Variants in EIF2AK4 observed in about 807,000 individuals in gnomAD.
EIF2AK4 encodes the protein eukaryotic translation initiation factor 2 alpha kinase 4.
In EIF2AK4, 139 loss-of-function variants were observed where a neutral mutation model predicts 211.1. The ratio of observed to expected loss-of-function variants is 0.66; its 90% CI spans 0.57 to 0.76. The LOEUF is 0.76. Ranked by LOEUF, EIF2AK4 falls within the 30% of genes least tolerant of loss-of-function variation. The pLI is 0.00. For synonymous variants in EIF2AK4, 710 were observed against 751.3 expected (o/e 0.94, Z 0.90); for missense variants, 1,664 against 2,043.8 (o/e 0.81, Z 3.58).
At chr15:39,997,215 A>T in intron 19 of EIF2AK4, 150 bp downstream of exon 19, 1 of 626,234 alleles carries the variant, frequency 1.6e-6, no homozygotes, top group Non-Finnish European at 2.8e-6. Context: ...TCAGATATGC[A>T]AGACTAACCA....
At chr15:39,985,967 A>C in intron 14 of EIF2AK4, 79 bp downstream of exon 14, 1 of 1,288,704 alleles carries the variant, frequency 7.8e-7, no homozygotes, top group South Asian at 1.3e-5. Flanking sequence ...TATTAGAACA[A>C]GATAATGGAC....
At chr15:40,016,464 T>G (rs375232915) in intron 27 of EIF2AK4, 38 bp from the exon 28 acceptor site, 18 of 1,612,916 alleles carry the variant, frequency 1.1e-5, no homozygotes, top group Non-Finnish European at 1.4e-5. Flanking sequence ...CTTCCCCTGC[T>G]GTGGATGGGC....
intron 26 of EIF2AK4, among the ~76,000 whole-genome samples, chr15:40,010,923 A>G (rs2035226976): frequency 6.6e-6 from 1 of 152,220 alleles, no homozygotes; most frequent in Admixed American, 6.5e-5. Context: ...CCAGCGTGGG[A>G]TGAAATGCCC....
chr15:39,943,201 ACTT>A (rs891649661), intron 2 of EIF2AK4, among the ~76,000 whole-genome samples, 179 bp from the exon 3 acceptor site: 3 of 152,198 alleles, frequency 2.0e-5, no homozygotes, highest in Non-Finnish European at 4.4e-5. Context: ...TGGCCAGCCC[ACTT>A]CTTCCCTGTA....
chr15:39,973,500 C>A, intron 10 of EIF2AK4, 92 bp from the exon 11 acceptor site: 2 of 1,336,048 alleles, frequency 1.5e-6, no homozygotes, highest in Non-Finnish European at 2.1e-6. Flanking sequence ...CTGGTTGGAG[C>A]TCTTCTTCCA....
At position 39,944,655 on chromosome 15, in the gene EIF2AK4, A is replaced by T. The variant is rs568264760; in HGVS notation, c.360+1170A>T. Among the ~76,000 whole-genome samples, 202 of 152,020 alleles carry T rather than the reference A, an allele frequency of 1.3e-3. 1 individual carries two copies. Among genetic ancestry groups the T allele is most frequent in the Non-Finnish European group, 2.6e-3 (174 of 67,960 alleles). On this transcript the variant is annotated intron_variant, in intron 3 of 38. Transcript: ENST00000263791. ...TCACCGTGTTAGCCAGGATGGTCTC[A>T]ATCTCCTGACCTCGTGGTCCACCCG...
chr15:40,000,927 G>T, intron 20 of EIF2AK4, 61 bp from the exon 21 acceptor site: 1 of 1,542,048 alleles, frequency 6.5e-7, no homozygotes, highest in Non-Finnish European at 8.9e-7. Context: ...TGACTTGTCC[G>T]GAGAATAGCT....
intron 35 of EIF2AK4, 50 bp from the exon 36 acceptor site, chr15:40,032,107 TAAGATGGCAAGA>T (rs2035551975): frequency 7.5e-7 from 1 of 1,339,320 alleles, no homozygotes; most frequent in Admixed American, 1.7e-5. Context: ...GGATAGGAAA[TAAGATGGCAAGA>T]AAGATGGCTT....
intron 13 of EIF2AK4, among the ~76,000 whole-genome samples, chr15:39,981,505 A>G (rs947429637): frequency 4.6e-5 from 7 of 152,196 alleles, no homozygotes; most frequent in African/African-American, 1.7e-4. Flanking sequence ...TGGGCATCCT[A>G]ATTGATGGGT....
At position 39,965,790 on chromosome 15, in the gene EIF2AK4, G is replaced by A. The variant is rs1323575344; in HGVS notation, c.964G>A (p.Gly322Ser). Reference sequence around the variant, plus strand: ...GGTCCTTCAGTGGCAGAAAAAAATGGGTCCATTCCTTACCAGTCAAGAAAA... The same window carrying A: ...GGTCCTTCAGTGGCAGAAAAAAATGAGTCCATTCCTTACCAGTCAAGAAAA... ...EWVLQWQKKM[G>S]PFLTSQEKEK... is the part of the protein sequence containing the mutation. Residue 322 changes from glycine to serine, a missense_variant, in exon 8 of 39, where the codon GGT (glycine) becomes AGT (serine). Coordinates refer to ENST00000263791, the MANE Select transcript of EIF2AK4 (RefSeq NM_001013703.4). 1 of 1,613,906 alleles carries A rather than the reference G, an allele frequency of 6.2e-7. No individual in the cohort carries two copies. Among genetic ancestry groups the A allele is most frequent in the African/African-American group, 1.3e-5 (1 of 74,916 alleles).
rs500200 is a variant in EIF2AK4, at chr15:39,939,800, C to A, written c.257+183C>A. On this transcript the variant is annotated intron_variant, in intron 2 of 38. Transcript: ENST00000263791. ...TTCATGAAACCTGTCTCATTTTAAGCCTGTTCATAGTTATAGAATTGTCAC... is the reference window on the plus strand; with the variant it reads ...TTCATGAAACCTGTCTCATTTTAAGACTGTTCATAGTTATAGAATTGTCAC... Among the ~76,000 whole-genome samples the A allele has an allele frequency of 0.34, 52,280 of 152,038 alleles. 10,119 individuals carry two copies. Among genetic ancestry groups the A allele is most frequent in the East Asian group, 0.81 (4,176 of 5,180 alleles).
intron 13 of EIF2AK4, among the ~76,000 whole-genome samples, chr15:39,983,130 C>T: frequency 6.6e-6 from 1 of 152,208 alleles, no homozygotes; most frequent in Non-Finnish European, 1.5e-5. Context: ...CACTGTCTTC[C>T]ACAATGGTTG....
intron 3 of EIF2AK4, among the ~76,000 whole-genome samples, chr15:39,946,131 G>T (rs568822548): frequency 6.6e-6 from 1 of 152,308 alleles, no homozygotes; most frequent in East Asian, 1.9e-4. Flanking sequence ...TATTATTTAA[G>T]AAATACATTT....
intron 32 of EIF2AK4, among the ~76,000 whole-genome samples, chr15:40,023,543 G>A (rs560745575): frequency 2.6e-5 from 4 of 152,048 alleles, no homozygotes; most frequent in Non-Finnish European, 4.4e-5. Context: ...TATCTTTCCC[G>A]GAACTTTTCC....
In EIF2AK4 at chr15:39,998,721, A is replaced by T. The variant is rs879099492; in HGVS notation, c.2869-10A>T. On this transcript the variant is annotated splice_polypyrimidine_tract_variant and intron_variant, in intron 19 of 38. Coordinates refer to ENST00000263791, the MANE Select transcript of EIF2AK4 (RefSeq NM_001013703.4). ...GCCAAAACCTTGCTGATTTGAATAT[A>T]TTTTTTTAGCCCACTTCGCCTAAGT... 1.1e-4 allele frequency: 176 copies of T among 1,610,996 alleles called. No homozygotes were observed. The South Asian group carries it at 1.8e-3, about 16-fold the overall frequency.
chr15:39,939,494 TCC>T lies in EIF2AK4; in HGVS notation c.145-10_145-9del. 1 of 1,574,554 alleles carries T rather than the reference TCC, an allele frequency of 6.4e-7. No individual in the cohort carries two copies. The highest frequency in any genetic ancestry group is 1.4e-5 in the African/African-American group (1 of 73,516). On this transcript the variant is annotated splice_polypyrimidine_tract_variant and intron_variant, in intron 1 of 38. Coordinates refer to ENST00000263791, the MANE Select transcript of EIF2AK4 (RefSeq NM_001013703.4). ...CTTTGAAAAAAATTTTTTTTGTTTT[TCC>T]TCTTTTAGGTCAAAGAGCCCCCTGA...
chr15:39,937,003 A>G (rs1032895706), intron 1 of EIF2AK4, among the ~76,000 whole-genome samples: 4 of 152,154 alleles, frequency 2.6e-5, no homozygotes, highest in African/African-American at 2.4e-5. Flanking sequence ...GTTTAGTAGC[A>G]TATGTATATC....
intron 3 of EIF2AK4, among the ~76,000 whole-genome samples, chr15:39,947,141 T>C (rs1595542806): frequency 6.6e-6 from 1 of 152,256 alleles, no homozygotes; most frequent in East Asian, 1.9e-4. Flanking sequence ...GGGAAGGCAC[T>C]GTGCAAATCA....
intron 27 of EIF2AK4, among the ~76,000 whole-genome samples, chr15:40,016,037 G>T (rs1247237110): frequency 6.6e-6 from 1 of 152,188 alleles, no homozygotes; most frequent in East Asian, 1.9e-4. Flanking sequence ...ACATCTCAAG[G>T]TTGCAAATAG....
Sources: allele counts gnomAD v4.1 joint callset (sites outside exome capture counted in the v4.1 genomes callset), GRCh38; gene constraint gnomAD v4.1.1; transcripts MANE v1.5; gene names NCBI Gene and HGNC (gene_info 2026-07-23, HGNC 2026-07-21).